The following NKAIN2 variants were observed in gnomAD, a reference collection of about 807,000 sequenced individuals.
The protein encoded by NKAIN2 is sodium/potassium transporting ATPase interacting 2.
A neutral mutation model predicts 32.6 loss-of-function variants in NKAIN2; 14 were observed. That is an observed-to-expected ratio of 0.43 (90% CI 0.28 to 0.67). NKAIN2 has a LOEUF of 0.67. NKAIN2 is among the 30% of genes least tolerant of loss of function. NKAIN2 has a pLI of 0.17. For synonymous variants in NKAIN2, 80 were observed against 87.2 expected (o/e 0.92, Z 0.46); for missense variants, 198 against 258.3 (o/e 0.77, Z 1.60).
chr6:124,420,898 TTGTTA>T (rs1774716503), intron 3 of NKAIN2, among the ~76,000 whole-genome samples: 1 of 151,972 alleles, frequency 6.6e-6, no homozygotes, highest in Non-Finnish European at 1.5e-5. Flanking sequence ...GTAGCATTTG[TTGTTA>T]TGAGTAGAAT....
chr6:124,115,114 A>T (rs535609271), intron 1 of NKAIN2, among the ~76,000 whole-genome samples: 2 of 152,178 alleles, frequency 1.3e-5, no homozygotes, highest in African/African-American at 2.4e-5. Context: ...GAAGTTTTGT[A>T]TTGAGGTGTA....
At chr6:124,482,282 C>G (rs556314060) in intron 3 of NKAIN2, among the ~76,000 whole-genome samples, 6 of 152,158 alleles carry the variant, frequency 3.9e-5, no homozygotes, top group Non-Finnish European at 8.8e-5. Flanking sequence ...TTATAATAAA[C>G]TTTAGTTTAA....
At chr6:124,425,614 A>T (rs1343658499) in intron 3 of NKAIN2, among the ~76,000 whole-genome samples, 2 of 152,122 alleles carry the variant, frequency 1.3e-5, no homozygotes, top group Non-Finnish European at 2.9e-5. Flanking sequence ...AAAATAAATA[A>T]TAGCCTAATT....
chr6:124,303,496 G>A (rs1344008628), intron 2 of NKAIN2, among the ~76,000 whole-genome samples: 1 of 152,212 alleles, frequency 6.6e-6, no homozygotes, highest in African/African-American at 2.4e-5. Context: ...AGAATGCTAT[G>A]TGTGTCAAAG....
intron 3 of NKAIN2, among the ~76,000 whole-genome samples, chr6:124,467,085 A>G (rs1776789445): frequency 6.6e-6 from 1 of 152,118 alleles, no homozygotes; most frequent in Non-Finnish European, 1.5e-5. Context: ...AAAGATCACT[A>G]TTATAACAGC....
intron 1 of NKAIN2, among the ~76,000 whole-genome samples, chr6:123,811,865 A>T (rs1244244453): frequency 6.6e-6 from 1 of 152,208 alleles, no homozygotes; most frequent in African/African-American, 2.4e-5. Flanking sequence ...CACTAGGTAC[A>T]GGTAGTTTGA....
At chr6:124,646,855 G>C (rs1489529967) in intron 3 of NKAIN2, among the ~76,000 whole-genome samples, 1 of 152,090 alleles carries the variant, frequency 6.6e-6, no homozygotes, top group Admixed American at 6.6e-5. Flanking sequence ...GGAGGCTGAG[G>C]CAGAAGAATT....
chr6:124,250,644 G>GTGAGA (rs1456026324), intron 1 of NKAIN2, among the ~76,000 whole-genome samples: 2 of 152,028 alleles, frequency 1.3e-5, no homozygotes, highest in Non-Finnish European at 2.9e-5. Flanking sequence ...TTTTAAAGAA[G>GTGAGA]TGAGAGAATT....
At chr6:124,215,391 G>T (rs1379501898) in intron 1 of NKAIN2, among the ~76,000 whole-genome samples, 1 of 151,984 alleles carries the variant, frequency 6.6e-6, no homozygotes, top group Non-Finnish European at 1.5e-5. Context: ...AAGAATTACA[G>T]ATTTGAAAAG....
intron 3 of NKAIN2, among the ~76,000 whole-genome samples, chr6:124,436,480 T>C (rs1309395958): frequency 1.3e-5 from 2 of 152,186 alleles, no homozygotes; most frequent in African/African-American, 4.8e-5. Context: ...TAAGTGAGAA[T>C]AAAAAGAATT....
At chr6:124,600,160 G>C (rs546799723) in intron 3 of NKAIN2, among the ~76,000 whole-genome samples, 1 of 151,990 alleles carries the variant, frequency 6.6e-6, no homozygotes, top group Non-Finnish European at 1.5e-5. Flanking sequence ...CTACAGTTCC[G>C]GGTGTTGTTT....
chr6:123,989,018 A>G lies in NKAIN2; in HGVS notation c.54+184764A>G, dbSNP rs184698042. On this transcript the variant is annotated intron_variant, in intron 1 of 6. Transcript: ENST00000368417. ...TCTGTGCTCTGTTATACTTATTACT[A>G]TACTTTTAGGAGAATTGAACACATA... Among the ~76,000 whole-genome samples, 326 of 152,174 alleles carry G rather than the reference A, an allele frequency of 2.1e-3. 1 individual carries two copies. Among genetic ancestry groups the G allele is most frequent in the South Asian group, 7.9e-3 (38 of 4,822 alleles).
intron 3 of NKAIN2, among the ~76,000 whole-genome samples, chr6:124,387,691 C>T (rs1199683156): frequency 1.3e-5 from 2 of 151,976 alleles, no homozygotes; most frequent in Non-Finnish European, 2.9e-5. Flanking sequence ...TTAATCTATA[C>T]AAATCAGAAT....
At chr6:123,843,702 T>G (rs1043297073) in intron 1 of NKAIN2, among the ~76,000 whole-genome samples, 1 of 152,020 alleles carries the variant, frequency 6.6e-6, no homozygotes, top group Admixed American at 6.6e-5. Context: ...AAGGGTAAGA[T>G]TATTGAAACT....
At chr6:124,140,511 A>AT (rs572884297) in intron 1 of NKAIN2, among the ~76,000 whole-genome samples, 65 of 151,946 alleles carry the variant, frequency 4.3e-4, no homozygotes, top group African/African-American at 1.1e-3. Context: ...AATACGTGCC[A>AT]TTTTTTTTAC....
intron 4 of NKAIN2, among the ~76,000 whole-genome samples, chr6:124,749,220 C>T (rs1233585108): frequency 6.6e-6 from 1 of 151,876 alleles, no homozygotes; most frequent in Non-Finnish European, 1.5e-5. Flanking sequence ...TAGTGGAGAT[C>T]TTCTCATGAT....
At chr6:123,877,049 G>A (rs1582698096) in intron 1 of NKAIN2, among the ~76,000 whole-genome samples, 1 of 152,052 alleles carries the variant, frequency 6.6e-6, no homozygotes, top group South Asian at 2.1e-4. Context: ...TTTCATGTCT[G>A]ATACTGTTGG....
Position 124,418,484 on chromosome 6 carries a change from A to G in NKAIN2, c.273+63137A>G, listed in dbSNP as rs1774596932. ...CATATAGTTTATATAGTATATATAT[A>G]TAGTTTATTTATATATATAGTTTAT... On this transcript the variant is annotated intron_variant, in intron 3 of 6. Transcript: ENST00000368417. Among the ~76,000 whole-genome samples the G allele has an allele frequency of 1.4e-5, 2 of 148,012 alleles. 1 individual carries two copies. The highest frequency in any genetic ancestry group is 1.4e-4 in the Admixed American group (2 of 14,742).
At chr6:124,408,193 T>G (rs1773960678) in intron 3 of NKAIN2, among the ~76,000 whole-genome samples, 2 of 152,090 alleles carry the variant, frequency 1.3e-5, no homozygotes, top group African/African-American at 4.8e-5. Context: ...AGAAGCTCTT[T>G]AGTTTAATTA....
Sources: gnomAD v4.1 joint callset for allele counts (sites outside exome capture counted in the v4.1 genomes callset) on GRCh38, gnomAD v4.1.1 for gene constraint, MANE v1.5 for transcripts, NCBI Gene and HGNC (gene_info 2026-07-23, HGNC 2026-07-21) for gene names.